The following KCNJ6 variants were observed in gnomAD, a reference collection of about 807,000 sequenced individuals.
KCNJ6 encodes the protein potassium inwardly rectifying channel subfamily J member 6, also known as G protein-activated inward rectifier potassium channel 2.
KCNJ6 carries 9 observed loss-of-function variants against 34.2 expected under a neutral mutation model. The ratio of observed to expected loss-of-function variants is 0.26; its 90% CI spans 0.16 to 0.46. The LOEUF (loss-of-function observed/expected upper bound fraction) is 0.46. KCNJ6 is among the 20% of genes least tolerant of loss of function. The pLI is 1.00. For synonymous variants in KCNJ6, 196 were observed against 207.1 expected, an observed-to-expected ratio of 0.95 and a Z score of 0.46; for missense variants, 236 against 531.3, an observed-to-expected ratio of 0.44 and a Z score of 5.46.
At chr21:37,913,988 C>T (rs1304855644) in intron 1 of KCNJ6, among the ~76,000 whole-genome samples, 1 of 146,648 alleles carries the variant, frequency 6.8e-6, no homozygotes, top group Admixed American at 6.9e-5. Flanking sequence ...AACTAGCAAC[C>T]CTCGTCAGAG....
At chr21:37,734,150 G>C (rs2054900770) in intron 2 of KCNJ6, among the ~76,000 whole-genome samples, 1 of 152,204 alleles carries the variant, frequency 6.6e-6, no homozygotes, top group African/African-American at 2.4e-5. Flanking sequence ...CTTTACAGTA[G>C]ATGTGGGCTC....
chr21:37,814,470 C>A (rs1364209857), intron 2 of KCNJ6, among the ~76,000 whole-genome samples: 1 of 152,134 alleles, frequency 6.6e-6, no homozygotes, highest in African/African-American at 2.4e-5. Context: ...TGAAGTGATA[C>A]CTGAAGTGAT....
chr21:37,904,230 C>G (rs888907834), intron 1 of KCNJ6, among the ~76,000 whole-genome samples: 4 of 152,070 alleles, frequency 2.6e-5, no homozygotes, highest in Non-Finnish European at 5.9e-5. Flanking sequence ...TGAAATATAC[C>G]TTCTGATGCT....
At chr21:37,830,990 G>A (rs939904350) in intron 2 of KCNJ6, among the ~76,000 whole-genome samples, 2 of 152,092 alleles carry the variant, frequency 1.3e-5, no homozygotes, top group African/African-American at 4.8e-5. Flanking sequence ...AAAAACTACA[G>A]GATCAAGAAA....
chr21:37,817,358 G>A (rs2055351689), intron 2 of KCNJ6, among the ~76,000 whole-genome samples: 1 of 152,146 alleles, frequency 6.6e-6, no homozygotes, highest in African/African-American at 2.4e-5. Context: ...CATCATAGAG[G>A]ATTATTGCAA....
intron 1 of KCNJ6, among the ~76,000 whole-genome samples, chr21:37,863,396 G>T (rs2055604425): frequency 6.6e-6 from 1 of 152,138 alleles, no homozygotes; most frequent in Non-Finnish European, 1.5e-5. Flanking sequence ...TATCGCACAG[G>T]TACCAACTTT....
In KCNJ6 at chr21:37,888,261, G is replaced by A. The variant is rs115322320; in HGVS notation, c.-28+27623C>T. On this transcript the variant is annotated intron_variant, in intron 1 of 3. Transcript: ENST00000609713. ...ACTTTCCTCTCTCTCTTCTTCTACTGCTCCCACATCATTCTCAGTAATTCC... is the reference window on the plus strand; with the variant it reads ...ACTTTCCTCTCTCTCTTCTTCTACTACTCCCACATCATTCTCAGTAATTCC... Among the ~76,000 whole-genome samples, 53 of 152,264 alleles carry A rather than the reference G, an allele frequency of 3.5e-4. 1 individual carries two copies. The Middle Eastern group carries it at 0.014, about 39-fold the overall frequency.
At chr21:37,873,540 C>T (rs1262008013) in intron 1 of KCNJ6, among the ~76,000 whole-genome samples, 1 of 152,206 alleles carries the variant, frequency 6.6e-6, no homozygotes, top group Non-Finnish European at 1.5e-5. Context: ...ACTAGCTGAG[C>T]ATTGCTAGCA....
chr21:37,913,490 A>G (rs1221793740), intron 1 of KCNJ6, among the ~76,000 whole-genome samples: 4 of 152,162 alleles, frequency 2.6e-5, no homozygotes, highest in African/African-American at 7.2e-5. Flanking sequence ...AGAGGAAACT[A>G]TATCTCCACC....
intron 3 of KCNJ6, among the ~76,000 whole-genome samples, chr21:37,655,562 G>A (rs968822559): frequency 6.6e-6 from 1 of 152,174 alleles, no homozygotes; most frequent in African/African-American, 2.4e-5. Context: ...GTAGGACATA[G>A]GAAGGTAGAA....
chr21:37,667,154 TAAAAAAAAA>T (rs55953891), intron 3 of KCNJ6, among the ~76,000 whole-genome samples: 7 of 39,068 alleles, frequency 1.8e-4, no homozygotes, highest in African/African-American at 4.3e-4. Context: ...CAATAAATAC[TAAAAAAAAA>T]AAAAAAAAAA....
chr21:37,656,232 T>C (rs1160902969), intron 3 of KCNJ6, among the ~76,000 whole-genome samples: 1 of 152,182 alleles, frequency 6.6e-6, no homozygotes, highest in African/African-American at 2.4e-5. Context: ...GCTCTAGTGC[T>C]TTCATCCAAT....
At chr21:37,822,327 C>A (rs796833695) in intron 2 of KCNJ6, among the ~76,000 whole-genome samples, 3 of 152,154 alleles carry the variant, frequency 2.0e-5, no homozygotes, top group South Asian at 2.1e-4. Context: ...CTGATAGGCA[C>A]CCATTCCTCG....
intron 3 of KCNJ6, among the ~76,000 whole-genome samples, chr21:37,660,301 C>T (rs1330655912): frequency 1.3e-5 from 2 of 152,240 alleles, no homozygotes; most frequent in Admixed American, 1.3e-4. Context: ...AGGCCCTAGA[C>T]AAAGGGGCGA....
intron 1 of KCNJ6, among the ~76,000 whole-genome samples, chr21:37,910,999 T>C (rs952480203): frequency 3.3e-5 from 5 of 152,226 alleles, no homozygotes; most frequent in African/African-American, 1.2e-4. Context: ...CAGGTATGAT[T>C]AGATCAAAGC....
At chr21:37,670,554 C>T (rs1315993306) in intron 3 of KCNJ6, among the ~76,000 whole-genome samples, 7 of 152,152 alleles carry the variant, frequency 4.6e-5, no homozygotes, top group Non-Finnish European at 1.0e-4. Flanking sequence ...AACTTGAGCT[C>T]AGGAGTTTGA....
At chr21:37,846,095 C>T (rs2055505841) in intron 1 of KCNJ6, among the ~76,000 whole-genome samples, 1 of 152,134 alleles carries the variant, frequency 6.6e-6, no homozygotes, top group Admixed American at 6.5e-5. Context: ...CTTTCAGGGG[C>T]AATGGGCATT....
At chr21:37,704,780 T>C (rs2054710672) in intron 3 of KCNJ6, among the ~76,000 whole-genome samples, 1 of 152,174 alleles carries the variant, frequency 6.6e-6, no homozygotes, top group African/African-American at 2.4e-5. Context: ...TTTATTATAG[T>C]GCTTTCTGGC....
chr21:37,836,439 C>G (rs1055649161), intron 2 of KCNJ6, among the ~76,000 whole-genome samples: 1 of 152,174 alleles, frequency 6.6e-6, no homozygotes, highest in African/African-American at 2.4e-5. Flanking sequence ...CACATGCACA[C>G]ACGTGTTTAT....
Sources: allele counts gnomAD v4.1 joint callset (sites outside exome capture counted in the v4.1 genomes callset), GRCh38; gene constraint gnomAD v4.1.1; transcripts MANE v1.5; gene names NCBI Gene and HGNC (gene_info 2026-07-23, HGNC 2026-07-21).